Variants in LRRTM4 observed in about 807,000 individuals in gnomAD.
The protein encoded by LRRTM4 is leucine rich repeat transmembrane neuronal 4.
A neutral mutation model predicts 47.6 loss-of-function variants in LRRTM4; 25 were observed. The observed-to-expected ratio is 0.53, with a 90% confidence interval of 0.38 to 0.73. The LOEUF (loss-of-function observed/expected upper bound fraction) is 0.73, where lower values mean the gene tolerates loss of function less well. Ranked by LOEUF, LRRTM4 falls within the 30% of genes least tolerant of loss-of-function variation. The probability of loss-of-function intolerance (pLI) is 0.00; values close to 1 mark genes in which losing one functional copy is unlikely to be tolerated. For synonymous variants in LRRTM4, 311 were observed against 269.5 expected (o/e 1.15, Z -1.51); for missense variants, 638 against 713.4 (o/e 0.89, Z 1.20).
rs181430185 is a variant in LRRTM4 at position 76,977,290 on chromosome 2, A to G, written c.1552-228374T>C. ...CCTAATTTTTTTTTTTCATATTTGAAATGTTTTGCTAAGGTCTTCTTTTGG... is the reference window on the plus strand; with the variant it reads ...CCTAATTTTTTTTTTTCATATTTGAGATGTTTTGCTAAGGTCTTCTTTTGG... On this transcript the variant is annotated intron_variant, in intron 3 of 3. Coordinates refer to ENST00000409884, the MANE Select transcript of LRRTM4 (RefSeq NM_001134745.3). Among the ~76,000 whole-genome samples the G allele has an allele frequency of 4.0e-5, 6 of 151,518 alleles. No individual in the cohort carries two copies. The East Asian group carries it at 1.2e-3, about 30-fold the overall frequency.
Position 76,926,143 on chromosome 2 carries a change from T to C in LRRTM4, c.1552-177227A>G, listed in dbSNP as rs1169593368. Among the ~76,000 whole-genome samples, 3 of 152,100 alleles carry C rather than the reference T, an allele frequency of 2.0e-5. 1 individual carries two copies. The highest frequency in any genetic ancestry group is 4.4e-5 in the Non-Finnish European group (3 of 67,970). On this transcript the variant is annotated intron_variant, in intron 3 of 3. Transcript: ENST00000409884. ...AAATTGATAAATAAAATTGTCTCCT[T>C]CTTTTGGATTGTAATGTTTTTCATT...
chr2:77,104,358 G>A (rs919301549), intron 3 of LRRTM4, among the ~76,000 whole-genome samples: 1 of 152,154 alleles, frequency 6.6e-6, no homozygotes, highest in African/African-American at 2.4e-5. Flanking sequence ...GGTGGTCAGA[G>A]TGACCATTTT....
chr2:77,212,138 G>A (rs1310401819), intron 3 of LRRTM4, among the ~76,000 whole-genome samples: 2 of 151,880 alleles, frequency 1.3e-5, no homozygotes, highest in Non-Finnish European at 2.9e-5. Context: ...ACATACTATT[G>A]AGCATTGCTG....
intron 3 of LRRTM4, among the ~76,000 whole-genome samples, chr2:76,961,033 ATTTT>A (rs1675840589): frequency 6.6e-6 from 1 of 151,494 alleles, no homozygotes; most frequent in African/African-American, 2.4e-5. Context: ...GTAAAGTTTT[ATTTT>A]TAATTTTTCT....
intron 3 of LRRTM4, among the ~76,000 whole-genome samples, chr2:77,167,773 T>A (rs966153240): frequency 5.3e-5 from 8 of 151,874 alleles, no homozygotes; most frequent in African/African-American, 1.9e-4. Flanking sequence ...GGACACAGGA[T>A]GGGGAACATC....
At chr2:77,290,807 A>G (rs1242036049) in intron 3 of LRRTM4, among the ~76,000 whole-genome samples, 2 of 151,972 alleles carry the variant, frequency 1.3e-5, no homozygotes, top group Non-Finnish European at 2.9e-5. Flanking sequence ...CTACAGTTTC[A>G]TGATTTTTTA....
intron 3 of LRRTM4, among the ~76,000 whole-genome samples, chr2:77,208,627 T>C (rs531043231): frequency 1.8e-4 from 28 of 152,196 alleles, no homozygotes; most frequent in African/African-American, 6.5e-4. Flanking sequence ...TATGAATGTA[T>C]GAGGTGAGGT....
At chr2:77,231,297 A>T (rs1325557365) in intron 3 of LRRTM4, among the ~76,000 whole-genome samples, 1 of 151,994 alleles carries the variant, frequency 6.6e-6, no homozygotes, top group Admixed American at 6.6e-5. Context: ...TGGCAATATG[A>T]TCCACTGAGC....
chr2:76,964,795 A>G (rs889947341), intron 3 of LRRTM4, among the ~76,000 whole-genome samples: 2 of 151,028 alleles, frequency 1.3e-5, no homozygotes, highest in Non-Finnish European at 3.0e-5. Context: ...ATGAAATAAA[A>G]AACAATTAAT....
At chr2:77,428,308 G>A (rs533154243) in intron 3 of LRRTM4, among the ~76,000 whole-genome samples, 72 of 152,122 alleles carry the variant, frequency 4.7e-4, no homozygotes, top group African/African-American at 1.4e-3. Context: ...CACATTCCTC[G>A]TCCAATAACC....
chr2:77,473,381 A>G (rs552466773), intron 3 of LRRTM4, among the ~76,000 whole-genome samples: 2 of 152,306 alleles, frequency 1.3e-5, no homozygotes, highest in South Asian at 2.1e-4. Flanking sequence ...ATGTGAAATC[A>G]AAGACATACA....
At chr2:77,359,504 T>G (rs942931486) in intron 3 of LRRTM4, among the ~76,000 whole-genome samples, 1 of 152,210 alleles carries the variant, frequency 6.6e-6, no homozygotes, top group African/African-American at 2.4e-5. Flanking sequence ...CTGATCATTC[T>G]AAGCCCTTTT....
At chr2:77,511,678 T>C (rs1040377617) in intron 3 of LRRTM4, among the ~76,000 whole-genome samples, 6 of 152,096 alleles carry the variant, frequency 3.9e-5, no homozygotes, top group African/African-American at 4.8e-5. Flanking sequence ...TATTTTAATG[T>C]TTGTGTTCAG....
intron 3 of LRRTM4, among the ~76,000 whole-genome samples, chr2:77,124,793 T>C (rs1265461826): frequency 6.6e-6 from 1 of 152,154 alleles, no homozygotes; most frequent in Non-Finnish European, 1.5e-5. Context: ...ATATGGTGTT[T>C]GGGGCTGTGA....
intron 3 of LRRTM4, among the ~76,000 whole-genome samples, chr2:76,826,157 T>C (rs1251944774): frequency 6.6e-6 from 1 of 151,750 alleles, no homozygotes; most frequent in Non-Finnish European, 1.5e-5. Context: ...AGAAATGTCA[T>C]GGTAACTGTG....
chr2:76,833,628 TAATA>T (rs1247047894), intron 3 of LRRTM4, among the ~76,000 whole-genome samples: 8 of 152,078 alleles, frequency 5.3e-5, no homozygotes, highest in East Asian at 1.9e-4. Context: ...GATATGACAT[TAATA>T]AATACATATT....
intron 3 of LRRTM4, among the ~76,000 whole-genome samples, chr2:77,256,008 T>C (rs1041629203): frequency 6.6e-6 from 1 of 151,924 alleles, no homozygotes; most frequent in African/African-American, 2.4e-5. Flanking sequence ...CTGATAAAAT[T>C]GATAAACCTC....
At chr2:77,361,920 A>C (rs1277483642) in intron 3 of LRRTM4, among the ~76,000 whole-genome samples, 2 of 151,924 alleles carry the variant, frequency 1.3e-5, no homozygotes, top group African/African-American at 2.4e-5. Context: ...CCCCATCTCT[A>C]CTAAAAATAC....
At chr2:77,090,172 C>G (rs1012656204) in intron 3 of LRRTM4, among the ~76,000 whole-genome samples, 6 of 152,252 alleles carry the variant, frequency 3.9e-5, no homozygotes, top group East Asian at 1.9e-4. Flanking sequence ...AGTTTCGTTC[C>G]GTGACTAGCC....
Sources: allele counts gnomAD v4.1 joint callset (sites outside exome capture counted in the v4.1 genomes callset), GRCh38; gene constraint gnomAD v4.1.1; transcripts MANE v1.5; gene names NCBI Gene and HGNC (gene_info 2026-07-23, HGNC 2026-07-21).